AFF3: variants seen among roughly 807,000 people sequenced by gnomAD.
The protein encoded by AFF3 is ALF transcription elongation factor 3.
Under a neutral mutation model 129.7 loss-of-function variants are expected in AFF3, and 32 were observed. The ratio of observed to expected loss-of-function variants is 0.25; its 90% CI spans 0.19 to 0.33. The LOEUF (loss-of-function observed/expected upper bound fraction) is 0.33, where lower values mean the gene tolerates loss of function less well. Ranked by LOEUF, AFF3 falls within the 10% of genes least tolerant of loss-of-function variation. The pLI is 1.00. For synonymous variants in AFF3, 644 were observed against 635.4 expected (o/e 1.01, Z -0.20); for missense variants, 1,373 against 1,592.0 (o/e 0.86, Z 2.34).
intron 11 of AFF3, among the ~76,000 whole-genome samples, chr2:99,705,285 G>T (rs1677248617): frequency 6.6e-6 from 1 of 152,156 alleles, no homozygotes; most frequent in East Asian, 1.9e-4. Context: ...AGTCACAATG[G>T]TTGATGGATT....
At chr2:99,943,523 C>G (rs1675263810) in intron 7 of AFF3, among the ~76,000 whole-genome samples, 1 of 152,154 alleles carries the variant, frequency 6.6e-6, no homozygotes, top group Admixed American at 6.5e-5. Context: ...ATTCTTTGAT[C>G]AGTAAAAGAA....
chr2:99,592,940 C>CA (rs926324918), intron 15 of AFF3, among the ~76,000 whole-genome samples: 21 of 93,630 alleles, frequency 2.2e-4, no homozygotes, highest in Non-Finnish European at 3.8e-4. Flanking sequence ...CCTCCCCCCC[C>CA]CCCAAAAAAA....
chr2:99,622,892 C>T (rs1232771458), intron 13 of AFF3, among the ~76,000 whole-genome samples: 1 of 152,198 alleles, frequency 6.6e-6, no homozygotes, highest in African/African-American at 2.4e-5. Context: ...TCCTTGCCGA[C>T]AGGGAGCTCC....
chr2:99,756,159 A>T (rs1682080636), intron 8 of AFF3, among the ~76,000 whole-genome samples: 1 of 152,092 alleles, frequency 6.6e-6, no homozygotes, highest in South Asian at 2.1e-4. Context: ...CACCCCTTTA[A>T]ATCAGCCTAA....
chr2:100,005,287 A>C (rs1681860944), intron 7 of AFF3, among the ~76,000 whole-genome samples: 1 of 152,202 alleles, frequency 6.6e-6, no homozygotes, highest in African/African-American at 2.4e-5. Context: ...TGAATTCCAA[A>C]ATAAACAAAC....
intron 4 of AFF3, chr2:100,011,446 T>C (rs373469810): frequency 1.7e-4 from 133 of 780,544 alleles, no homozygotes; most frequent in Non-Finnish European, 2.7e-4. Context: ...CAGGTGGTCA[T>C]TGAGAATGAT....
Position 99,601,609 on chromosome 2 carries a change from C to T in AFF3, c.1197G>A (p.Gln399=), listed in dbSNP as rs149711835. Residue 399 remains glutamine (Q), a synonymous_variant, in exon 14 of 25, where the codon CAG becomes CAA. Transcript: ENST00000672756. ...LRALSDSAVV[Q]QPNCRTSVPS... ...GCACCGAGGTTCTGCAGTTGGGCTG[C>T]TGGACCACGGCGCTGCCAGCCCGCG... 1.1e-4 allele frequency: 174 copies of T among 1,595,578 alleles called. 1 individual carries two copies. In the African/African-American group the frequency reaches 2.2e-3, roughly 20 times the overall value.
chr2:100,012,757 T>C (rs1455291506), intron 4 of AFF3, among the ~76,000 whole-genome samples: 1 of 152,220 alleles, frequency 6.6e-6, no homozygotes, highest in African/African-American at 2.4e-5. Context: ...CAGCTTCCCC[T>C]GGGATGGCTG....
intron 7 of AFF3, among the ~76,000 whole-genome samples, chr2:100,003,074 C>T (rs1030240397): frequency 2.6e-5 from 3 of 116,064 alleles, no homozygotes; most frequent in African/African-American, 1.0e-4. Context: ...GATGCTTAAG[C>T]TTCAGGGTCT....
intron 7 of AFF3, among the ~76,000 whole-genome samples, chr2:99,850,709 T>C (rs1464132861): frequency 6.6e-6 from 1 of 152,234 alleles, no homozygotes; most frequent in Admixed American, 6.5e-5. Flanking sequence ...TAATAAAACG[T>C]TGAATGGTAA....
At chr2:99,831,793 G>A (rs987362555) in intron 8 of AFF3, among the ~76,000 whole-genome samples, 1 of 152,140 alleles carries the variant, frequency 6.6e-6, no homozygotes, top group African/African-American at 2.4e-5. Context: ...CACATACGAG[G>A]CCAGTAAGGT....
At chr2:99,606,996 A>G (rs1680431553) in intron 13 of AFF3, among the ~76,000 whole-genome samples, 1 of 151,990 alleles carries the variant, frequency 6.6e-6, no homozygotes, top group African/African-American at 2.4e-5. Flanking sequence ...ATTTCTTTAA[A>G]TGTACTCAAG....
At chr2:99,903,321 C>T (rs1694484974) in intron 7 of AFF3, among the ~76,000 whole-genome samples, 1 of 152,162 alleles carries the variant, frequency 6.6e-6, no homozygotes, top group Non-Finnish European at 1.5e-5. Context: ...CTCTCTTCTG[C>T]TTTATCTCCA....
chr2:99,916,265 T>C (rs1695468485), intron 7 of AFF3, among the ~76,000 whole-genome samples: 1 of 152,204 alleles, frequency 6.6e-6, no homozygotes, highest in African/African-American at 2.4e-5. Flanking sequence ...TCCCCATCTG[T>C]AATCCCTCCC....
At chr2:99,941,911 G>A (rs1170462732) in intron 7 of AFF3, among the ~76,000 whole-genome samples, 1 of 152,182 alleles carries the variant, frequency 6.6e-6, no homozygotes, top group African/African-American at 2.4e-5. Context: ...GTATGTGAAA[G>A]AAAACACAAA....
intron 20 of AFF3, 125 bp downstream of exon 20, chr2:99,565,362 T>C: frequency 4.4e-6 from 6 of 1,377,552 alleles, no homozygotes; most frequent in East Asian, 2.3e-5. Flanking sequence ...CCCTCTTATT[T>C]TGGGGGGATG....
intron 7 of AFF3, among the ~76,000 whole-genome samples, chr2:99,839,338 G>C (rs950594980): frequency 2.6e-5 from 4 of 152,078 alleles, no homozygotes; most frequent in Non-Finnish European, 4.4e-5. Flanking sequence ...TCAAACTCCT[G>C]ACTTCAGGTG....
intron 7 of AFF3, among the ~76,000 whole-genome samples, chr2:99,921,195 A>G (rs773434877): frequency 2.0e-4 from 30 of 152,158 alleles, no homozygotes; most frequent in Non-Finnish European, 3.5e-4. Context: ...AAACAATGAG[A>G]ATGCCAACTC....
chr2:99,680,703 G>A (rs938361013), intron 11 of AFF3, among the ~76,000 whole-genome samples: 1 of 152,180 alleles, frequency 6.6e-6, no homozygotes, highest in African/African-American at 2.4e-5. Context: ...ATCTGTAAGG[G>A]TCATAACATA....
Sources: allele counts gnomAD v4.1 joint callset (sites outside exome capture counted in the v4.1 genomes callset), GRCh38; gene constraint gnomAD v4.1.1; transcripts MANE v1.5; gene names NCBI Gene and HGNC (gene_info 2026-07-23, HGNC 2026-07-21).